The following THRA variants were observed in gnomAD, a reference collection of about 807,000 sequenced individuals.
The protein encoded by THRA is EAR-7.
In THRA, 13 loss-of-function variants were observed where a neutral mutation model predicts 45.0. That is an observed-to-expected ratio of 0.29 (90% confidence interval 0.19 to 0.46). THRA has a LOEUF of 0.46. THRA is among the 20% of genes least tolerant of loss of function. The pLI is 1.00. For synonymous variants in THRA, 195 were observed against 214.0 expected (o/e 0.91, Z 0.78); for missense variants, 278 against 556.1 (o/e 0.50, Z 5.03).
chr17:40,081,663 T>C (rs1296495593), intron 4 of THRA, among the ~76,000 whole-genome samples: 1 of 152,008 alleles, frequency 6.6e-6, no homozygotes, highest in Non-Finnish European at 1.5e-5. Flanking sequence ...TTGAGGTGTT[T>C]CCTTTAAAAT....
At chr17:40,070,917 T>A (rs1477926101) in intron 1 of THRA, among the ~76,000 whole-genome samples, 1 of 151,080 alleles carries the variant, frequency 6.6e-6, no homozygotes, top group Non-Finnish European at 1.5e-5. Context: ...CTCCTTCATG[T>A]GTCTCTCCTC....
intron 6 of THRA, among the ~76,000 whole-genome samples, chr17:40,085,439 T>C (rs1001991834): frequency 2.0e-5 from 3 of 151,936 alleles, no homozygotes; most frequent in Non-Finnish European, 2.9e-5. Flanking sequence ...GTTCAAGCGA[T>C]TCTCCCGCCT....
Position 40,092,506 on chromosome 17 carries a change from T to C in THRA, c.*3050T>C, listed in dbSNP as rs1246499398. ...CCCACGTTGACAATCAGTATGTCTG[T>C]TATGTGCGATTTTTCACCCCGTTGT... is the stretch of plus-strand genomic sequence containing the variant. On this transcript the variant is annotated 3_prime_UTR_variant, in exon 9 of 9. Transcript: ENST00000450525. 6.5e-6 allele frequency: 1 copy of C among 155,012 alleles called. No homozygotes were observed. Among genetic ancestry groups the C allele is most frequent in the African/African-American group, 2.4e-5 (1 of 41,380 alleles). 9.6% of individuals were successfully genotyped at this position (155,012 alleles called of 1,614,324 possible). A position where few individuals can be genotyped will look rare whatever the true frequency, so the allele number is the denominator to read the frequency against.
upstream of THRA, chr17:40,062,938 C>T (rs1432858876): frequency 2.0e-5 from 3 of 149,578 alleles, no homozygotes; most frequent in African/African-American, 2.4e-5. Context: ...GGGGCCGCCA[C>T]ACTCGCCCCC....
At chr17:40,073,636 T>A (rs1986852918) in intron 1 of THRA, among the ~76,000 whole-genome samples, 1 of 151,950 alleles carries the variant, frequency 6.6e-6, no homozygotes, top group Non-Finnish European at 1.5e-5. Context: ...GGGGCCAGAG[T>A]TGGGGATCAT....
At chr17:40,085,306 G>A (rs1216592116) in intron 6 of THRA, among the ~76,000 whole-genome samples, 1 of 152,070 alleles carries the variant, frequency 6.6e-6, no homozygotes, top group Non-Finnish European at 1.5e-5. Context: ...AGACCAGTCT[G>A]GGTAACATAC....
chr17:40,074,684 C>T (rs1031032352), intron 2 of THRA, 143 bp downstream of exon 2: 28 of 828,530 alleles, frequency 3.4e-5, no homozygotes, highest in Non-Finnish European at 5.2e-5. Flanking sequence ...CTTTGTCTGG[C>T]AGATGAAGTC....
intron 1 of THRA, among the ~76,000 whole-genome samples, chr17:40,065,589 G>A (rs1986525009): frequency 6.6e-6 from 1 of 152,146 alleles, no homozygotes; most frequent in African/African-American, 2.4e-5. Context: ...TGGCAGCAAT[G>A]TTCTTCATAC....
Position 40,089,399 on chromosome 17 carries a change from C to T in THRA, c.1176C>T (p.Cys392=). Residue 392 remains cysteine, a synonymous_variant, in exon 9 of 9, where the codon TGC becomes TGT. Transcript: ENST00000450525. The surrounding 1 kb of genome is among the most constrained non-coding windows in gnomAD (Gnocchi z 6.1). ...GCTTCCTCCACATGAAAGTCGAGTG[C>T]CCCACCGAACTCTTCCCCCCACTCT... ...ASRFLHMKVE[C]PTELFPPLFL... The T allele has an allele frequency of 6.2e-7, 1 of 1,614,140 alleles. No individual in the cohort carries two copies. The highest frequency in any genetic ancestry group is 8.5e-7 in the Non-Finnish European group (1 of 1,180,016).
intron 4 of THRA, among the ~76,000 whole-genome samples, chr17:40,078,232 C>T (rs2145063301): frequency 6.6e-6 from 1 of 152,244 alleles, no homozygotes; most frequent in East Asian, 1.9e-4. Context: ...AAATCCCAGC[C>T]CTTTGGGAGG....
chr17:40,086,835 A>C lies in THRA; in HGVS notation c.705A>C (p.Lys235Asn). 6.2e-7 allele frequency: 1 copy of C among 1,614,072 alleles called. No individual in the cohort carries two copies. Among genetic ancestry groups the C allele is most frequent in the Non-Finnish European group, 8.5e-7 (1 of 1,180,000 alleles). ...AITRVVDFAK[K>N]LPMFSELPCE... ...CCCGTGTGGTGGACTTTGCCAAAAA[A>C]CTGCCCATGTTCTCCGAGGTGAGTG... The change falls in exon 7 of 9, where the codon AAA becomes AAC. Residue 235 changes from lysine (K) to asparagine (N), a missense_variant. By Grantham distance (94) the Lys-to-Asn change is moderately conservative. Coordinates refer to ENST00000450525, the MANE Select transcript of THRA (RefSeq NM_199334.5).
rs778973434 is a variant in THRA, at chr17:40,076,883, A to C, written c.66A>C (p.Pro22=). 4.3e-6 allele frequency: 7 copies of C among 1,614,028 alleles called. No homozygotes were observed. In the South Asian group the frequency reaches 7.7e-5, roughly 18 times the overall value. ...SDPEENSARS[P]DGKRKRKNGQ... ...TGCCTCCATCCAGTGCCAGGTCACC[A>C]GATGGAAAGCGAAAAAGAAAGAACG... is the stretch of plus-strand genomic sequence containing the variant. The change falls in exon 3 of 9, where the codon CCA becomes CCC. Residue 22 remains proline (P), a synonymous_variant. Coordinates refer to ENST00000450525, the MANE Select transcript of THRA (RefSeq NM_199334.5).
At chr17:40,065,431 AT>A (rs1234033088) in intron 1 of THRA, among the ~76,000 whole-genome samples, 1 of 151,738 alleles carries the variant, frequency 6.6e-6, no homozygotes. Context: ...TTGACTTGGA[AT>A]TTCTCTCTAA....
chr17:40,082,207 C>CTTTTTTTT (rs770974952), intron 4 of THRA, among the ~76,000 whole-genome samples: 3 of 78,780 alleles, frequency 3.8e-5, no homozygotes, highest in Non-Finnish European at 5.0e-5. Context: ...CTTGGATTTC[C>CTTTTTTTT]TTTTTTTTTT....
At chr17:40,084,093 A>G (rs1393720920) in intron 5 of THRA, 111 bp downstream of exon 5, 4 of 1,289,124 alleles carry the variant, frequency 3.1e-6, no homozygotes, top group Non-Finnish European at 4.2e-6. Context: ...CAGAGTGGCA[A>G]TCCAGTCTAG....
Position 40,076,914 on chromosome 17 carries a change from T to C in THRA, c.97T>C (p.Cys33Arg). ...AAAGCGAAAAAGAAAGAACGGCCAATGTTCCCTGAAAACCAGCATGTCAGG... is the reference window on the plus strand; with the variant it reads ...AAAGCGAAAAAGAAAGAACGGCCAACGTTCCCTGAAAACCAGCATGTCAGG... ...DGKRKRKNGQ[C>R]SLKTSMSGYI... Residue 33 changes from cysteine (C) to arginine (R), a missense_variant, in exon 3 of 9, where the codon TGT becomes CGT. Around this residue, in one of 6 missense-constraint regions of THRA, gnomAD observed 34 missense variants for 39.7 expected, o/e 0.86. Coordinates refer to ENST00000450525, the MANE Select transcript of THRA (RefSeq NM_199334.5). 6.2e-7 allele frequency: 1 copy of C among 1,614,086 alleles called. No homozygotes were observed. The highest frequency in any genetic ancestry group is 8.5e-7 in the Non-Finnish European group (1 of 1,180,000).
At chr17:40,085,418 C>T (rs1246133605) in intron 6 of THRA, among the ~76,000 whole-genome samples, 2 of 152,080 alleles carry the variant, frequency 1.3e-5, no homozygotes, top group Admixed American at 1.3e-4. Context: ...ACCGCAACCT[C>T]CGCCTCCTGG....
Position 40,090,030 on chromosome 17 carries a change from G to A in THRA, c.*574G>A. 8.1e-6 allele frequency: 8 copies of A among 987,694 alleles called. No individual in the cohort carries two copies. The highest frequency in any genetic ancestry group is 8.4e-6 in the Non-Finnish European group (7 of 831,198). The allele number at this position is 987,694 out of a possible 1,614,324, so 61.2% of individuals were successfully genotyped here. On this transcript the variant is annotated 3_prime_UTR_variant, in exon 9 of 9. Transcript: ENST00000450525. ...GGAGAAGACAAATGAAGAAAAACTA[G>A]ACAGAGAGAAAAATACAAAAAAGAG...
intron 2 of THRA, 100 bp from the exon 3 acceptor site, chr17:40,076,771 T>G: frequency 7.9e-7 from 1 of 1,269,340 alleles, no homozygotes; most frequent in East Asian, 2.4e-5. Context: ...GGACACAAAA[T>G]GGAAAGAATC....
Sources: gnomAD v4.1 joint callset for allele counts (sites outside exome capture counted in the v4.1 genomes callset) on GRCh38, gnomAD v4.1.1 for gene constraint, gnomAD v4.1.1 regional missense constraint, Gnocchi (gnomAD v3.1) non-coding constraint, MANE v1.5 for transcripts, NCBI Gene and HGNC (gene_info 2026-07-23, HGNC 2026-07-21) for gene names.